Variants in PSMA1 observed in about 807,000 individuals in gnomAD.
PSMA1 encodes the protein proteasome subunit alpha type-1.
In PSMA1, 3 loss-of-function variants were observed where a neutral mutation model predicts 38.4. The observed-to-expected ratio is 0.08, with a 90% CI of 0.04 to 0.20. The LOEUF (loss-of-function observed/expected upper bound fraction) is 0.20. Among genes scored for constraint, PSMA1 ranks in the 10% least tolerant of loss-of-function variants. The pLI is 1.00. For missense variants in PSMA1, 227 were observed against 325.3 expected (o/e 0.70, Z 2.32); for synonymous variants, 101 against 107.1 (o/e 0.94, Z 0.35).
chr11:14,593,202 G>T (rs1306947404), intron 2 of PSMA1, among the ~76,000 whole-genome samples: 1 of 152,196 alleles, frequency 6.6e-6, no homozygotes, highest in African/African-American at 2.4e-5. Context: ...TACATAGCTA[G>T]AAAGTGGCAG....
upstream of PSMA1, among the ~76,000 whole-genome samples, chr11:14,523,909 G>C (rs1851558174): frequency 6.6e-6 from 1 of 151,792 alleles, no homozygotes; most frequent in African/African-American, 2.4e-5. Flanking sequence ...GCATTAATCA[G>C]AAGCTGAAAA....
chr11:14,594,985 A>G (rs1274678958), intron 2 of PSMA1, among the ~76,000 whole-genome samples: 1 of 143,696 alleles, frequency 7.0e-6, no homozygotes, highest in Non-Finnish European at 1.5e-5. Flanking sequence ...TTCAATTCCC[A>G]CCTATGGGTG....
At chr11:14,561,065 T>C (rs1852002147) in intron 2 of PSMA1, among the ~76,000 whole-genome samples, 1 of 152,202 alleles carries the variant, frequency 6.6e-6, no homozygotes, top group Non-Finnish European at 1.5e-5. Flanking sequence ...TGTATCACAA[T>C]GAACACATAT....
intron 1 of PSMA1, among the ~76,000 whole-genome samples, chr11:14,617,629 A>G (rs1852790228): frequency 6.6e-6 from 1 of 151,876 alleles, no homozygotes; most frequent in African/African-American, 2.4e-5. Context: ...GTTTGAGTTC[A>G]TCTTCAGCCT....
intron 2 of PSMA1, among the ~76,000 whole-genome samples, chr11:14,607,877 A>C (rs965721667): frequency 2.6e-5 from 4 of 152,168 alleles, no homozygotes; most frequent in African/African-American, 9.7e-5. Flanking sequence ...CATTGGTAGA[A>C]GCAGCTAGCA....
At chr11:14,572,406 G>A (rs926272877) in intron 2 of PSMA1, among the ~76,000 whole-genome samples, 8 of 152,198 alleles carry the variant, frequency 5.3e-5, no homozygotes, top group Non-Finnish European at 1.0e-4. Context: ...ACCTGCTCCT[G>A]AACGACTACT....
intron 2 of PSMA1, among the ~76,000 whole-genome samples, chr11:14,597,829 A>C (rs1295598648): frequency 6.6e-6 from 1 of 151,670 alleles, no homozygotes; most frequent in African/African-American, 2.4e-5. Flanking sequence ...TAGTTCTTTT[A>C]ATTGTGATGT....
upstream of PSMA1, among the ~76,000 whole-genome samples, chr11:14,525,203 C>T (rs941228103): frequency 1.3e-5 from 2 of 152,122 alleles, no homozygotes; most frequent in Non-Finnish European, 2.9e-5. Flanking sequence ...TCCCCAACTG[C>T]CCACTTTCCT....
chr11:14,532,807 G>T (rs1337646185), intron 2 of PSMA1, among the ~76,000 whole-genome samples: 1 of 151,262 alleles, frequency 6.6e-6, no homozygotes, highest in Non-Finnish European at 1.5e-5. Context: ...CATAAGAATT[G>T]CTTGAACCAA....
At chr11:14,556,306 A>G (rs1468686583) in intron 2 of PSMA1, among the ~76,000 whole-genome samples, 1 of 152,158 alleles carries the variant, frequency 6.6e-6, no homozygotes, top group Non-Finnish European at 1.5e-5. Flanking sequence ...TAGGTTGGAA[A>G]AATTTTCTCT....
intron 2 of PSMA1, among the ~76,000 whole-genome samples, chr11:14,535,009 G>A (rs12785926): frequency 0.33 from 50,216 of 152,056 alleles, 9,387 homozygotes; most frequent in South Asian, 0.44. Context: ...AGGAGGCAGA[G>A]GTTGCAGTGG....
At chr11:14,564,659 T>G (rs941978404) in intron 2 of PSMA1, among the ~76,000 whole-genome samples, 3 of 152,218 alleles carry the variant, frequency 2.0e-5, no homozygotes, top group Non-Finnish European at 4.4e-5. Flanking sequence ...CCACCAGCAA[T>G]GTATGAGTGA....
In PSMA1 at chr11:14,633,628, A is replaced by G. The variant is rs368612245; in HGVS notation, c.-166+9827T>C. Among the ~76,000 whole-genome samples the G allele has an allele frequency of 3.6e-3, 546 of 152,220 alleles. 4 individuals carry two copies. Among genetic ancestry groups the G allele is most frequent in the Admixed American group, 5.6e-3 (85 of 15,288 alleles). ...CCTGCCCCCAGAAGTGGAGCCTACAAAGGCAGGCAGGCCTCCTTGAGCTGT... is the reference window on the plus strand; with the variant it reads ...CCTGCCCCCAGAAGTGGAGCCTACAGAGGCAGGCAGGCCTCCTTGAGCTGT... On this transcript the variant is annotated intron_variant, in intron 1 of 10. Transcript: ENST00000418988.
intron 7 of PSMA1, 128 bp downstream of exon 7, chr11:14,513,442 A>G (rs1851375562): frequency 2.6e-5 from 28 of 1,060,236 alleles, no homozygotes; most frequent in Non-Finnish European, 3.3e-5. Context: ...CTTCATGGGC[A>G]TAATTTTTTT....
chr11:14,548,295 C>T (rs922200669), intron 2 of PSMA1, among the ~76,000 whole-genome samples: 2 of 151,962 alleles, frequency 1.3e-5, no homozygotes, highest in Non-Finnish European at 2.9e-5. Flanking sequence ...GTGATTTGCC[C>T]AAGCTCATAT....
chr11:14,538,768 C>A (rs539838216), intron 2 of PSMA1, among the ~76,000 whole-genome samples: 92 of 152,362 alleles, frequency 6.0e-4, no homozygotes, highest in African/African-American at 2.2e-3. Context: ...GCTGCCAAGG[C>A]AGACCATGCG....
intron 1 of PSMA1, among the ~76,000 whole-genome samples, chr11:14,616,231 G>T (rs1462868044): frequency 1.6e-5 from 2 of 126,664 alleles, no homozygotes; most frequent in African/African-American, 2.9e-5. Flanking sequence ...GATCCCAACA[G>T]TTTTTTTTTT....
intron 2 of PSMA1, among the ~76,000 whole-genome samples, chr11:14,583,867 T>G (rs1002360605): frequency 6.6e-6 from 1 of 152,202 alleles, no homozygotes; most frequent in African/African-American, 2.4e-5. Context: ...CCCACACCCC[T>G]GCTTCTGAAA....
At chr11:14,631,785 T>G (rs1305820720) in intron 1 of PSMA1, among the ~76,000 whole-genome samples, 1 of 152,068 alleles carries the variant, frequency 6.6e-6, no homozygotes, top group Non-Finnish European at 1.5e-5. Context: ...CTCCCATTAT[T>G]AATGTGTGGG....
Sources: allele counts gnomAD v4.1 joint callset (sites outside exome capture counted in the v4.1 genomes callset), GRCh38; gene constraint gnomAD v4.1.1; transcripts MANE v1.5; gene names NCBI Gene and HGNC (gene_info 2026-07-23, HGNC 2026-07-21).